Variants in SACM1L observed in about 807,000 individuals in gnomAD.
The protein encoded by SACM1L is SAC1 like phosphatidylinositide phosphatase.
A neutral mutation model predicts 89.5 loss-of-function variants in SACM1L; 32 were observed. The observed-to-expected ratio is 0.36, with a 90% CI of 0.27 to 0.48. The LOEUF (loss-of-function observed/expected upper bound fraction) is 0.48, where lower values mean the gene tolerates loss of function less well. Ranked by LOEUF, SACM1L falls within the 20% of genes least tolerant of loss-of-function variation. The probability of loss-of-function intolerance (pLI) is 0.99; values close to 1 mark genes in which losing one functional copy is unlikely to be tolerated. For synonymous variants in SACM1L, 213 were observed against 232.8 expected (o/e 0.92, Z 0.77); for missense variants, 543 against 708.5 (o/e 0.77, Z 2.65).
intron 11 of SACM1L, among the ~76,000 whole-genome samples, chr3:45,727,849 C>G (rs906046307): frequency 6.6e-6 from 1 of 152,174 alleles, no homozygotes; most frequent in Non-Finnish European, 1.5e-5. Context: ...CCCGCCTCGG[C>G]CTTCCAAAGT....
At chr3:45,710,242 C>G (rs1276711071) in intron 5 of SACM1L, among the ~76,000 whole-genome samples, 2 of 151,264 alleles carry the variant, frequency 1.3e-5, no homozygotes, top group African/African-American at 4.9e-5. Context: ...ACTCTGTCAC[C>G]TAGGCTGTAG....
chr3:45,743,513 T>G lies in SACM1L; in HGVS notation c.1628-20T>G. 6.3e-7 allele frequency: 1 copy of G among 1,593,800 alleles called. No individual in the cohort carries two copies. Reference sequence around the variant, plus strand: ...ATCAACAAACGACTTATTTAGCTTTTTGTTTCTTAATATCAACAGGTGACA... The same window carrying G: ...ATCAACAAACGACTTATTTAGCTTTGTGTTTCTTAATATCAACAGGTGACA... On this transcript the variant is annotated intron_variant, in intron 19 of 19. Coordinates refer to ENST00000389061, the MANE Select transcript of SACM1L (RefSeq NM_014016.5).
chr3:45,727,814 C>G (rs911071683), intron 11 of SACM1L, among the ~76,000 whole-genome samples: 5 of 152,150 alleles, frequency 3.3e-5, no homozygotes, highest in African/African-American at 1.2e-4. Context: ...CCAGGGTGGT[C>G]TCAATCTCCT....
chr3:45,692,908 C>T (rs1698030275), intron 1 of SACM1L, among the ~76,000 whole-genome samples: 1 of 152,174 alleles, frequency 6.6e-6, no homozygotes, highest in Non-Finnish European at 1.5e-5. Context: ...TCATTATGTA[C>T]ACCGTTATGT....
Position 45,731,306 on chromosome 3 carries a change from C to A in SACM1L, c.927C>A (p.Asn309Lys). ...GTGTTTGAAATTTTTTACAGATTAA[C>A]CAGAAGGGCTCGGAGAAGCCACTTG... Reference protein sequence around the residue: ...YGKQVIINLINQKGSEKPLEQ... With the variant: ...YGKQVIINLIKQKGSEKPLEQ... Residue 309 changes from asparagine (N) to lysine (K), a missense_variant, in exon 12 of 20, where the codon AAC (asparagine) becomes AAA (lysine). Coordinates refer to ENST00000389061, the MANE Select transcript of SACM1L (RefSeq NM_014016.5). 1 of 1,610,626 alleles carries A rather than the reference C, an allele frequency of 6.2e-7. No homozygotes were observed. The highest frequency in any genetic ancestry group is 8.5e-7 in the Non-Finnish European group (1 of 1,177,846).
At chr3:45,718,294 TAAAA>T (rs5848764) in intron 7 of SACM1L, among the ~76,000 whole-genome samples, 4 of 148,402 alleles carry the variant, frequency 2.7e-5, no homozygotes, top group African/African-American at 7.4e-5. Flanking sequence ...CCTGTTATGT[TAAAA>T]AAAAAAAAAA....
At chr3:45,731,179 G>GT (rs1699045526) in intron 11 of SACM1L, 122 bp from the exon 12 acceptor site, 8 of 552,836 alleles carry the variant, frequency 1.4e-5, no homozygotes, top group Admixed American at 1.1e-4. Flanking sequence ...CAGCTTCTGG[G>GT]TTTTTTTGAT....
intron 7 of SACM1L, among the ~76,000 whole-genome samples, chr3:45,714,940 T>C (rs531323952): frequency 6.6e-6 from 1 of 152,308 alleles, no homozygotes; most frequent in Non-Finnish European, 1.5e-5. Flanking sequence ...TCCTATAAGA[T>C]TATAATACCA....
At chr3:45,726,400 T>C (rs1698917869) in intron 11 of SACM1L, among the ~76,000 whole-genome samples, 1 of 152,076 alleles carries the variant, frequency 6.6e-6, no homozygotes, top group African/African-American at 2.4e-5. Flanking sequence ...CTCCTTACTA[T>C]GTATTGGTCT....
At chr3:45,697,465 C>T (rs1000018687) in intron 1 of SACM1L, among the ~76,000 whole-genome samples, 6 of 149,714 alleles carry the variant, frequency 4.0e-5, no homozygotes, top group African/African-American at 1.5e-4. Context: ...TTTGTAGAAA[C>T]GGGGTTTTGC....
chr3:45,742,197 CAAG>C (rs1699331193), intron 19 of SACM1L, among the ~76,000 whole-genome samples: 1 of 152,066 alleles, frequency 6.6e-6, no homozygotes, highest in Non-Finnish European at 1.5e-5. Context: ...TTCTTTTGTC[CAAG>C]AAGAATTTTA....
chr3:45,716,896 C>T (rs1698675106), intron 7 of SACM1L, among the ~76,000 whole-genome samples: 1 of 152,192 alleles, frequency 6.6e-6, no homozygotes, highest in Non-Finnish European at 1.5e-5. Context: ...TTTCTGGATT[C>T]TCTAAAGTGT....
At chr3:45,705,462 T>C (rs1050635492) in intron 3 of SACM1L, among the ~76,000 whole-genome samples, 1 of 151,704 alleles carries the variant, frequency 6.6e-6, no homozygotes, top group Non-Finnish European at 1.5e-5. Context: ...AATCCTTAGC[T>C]AGATAATTTT....
chr3:45,705,767 G>A (rs1698378063), intron 3 of SACM1L, among the ~76,000 whole-genome samples: 1 of 152,066 alleles, frequency 6.6e-6, no homozygotes, highest in South Asian at 2.1e-4. Context: ...GCCTCCCAAA[G>A]TGCTGGGATT....
chr3:45,705,676 A>G (rs1372836893), intron 3 of SACM1L, among the ~76,000 whole-genome samples: 2 of 151,708 alleles, frequency 1.3e-5, no homozygotes, highest in African/African-American at 2.4e-5. Flanking sequence ...CTAATTTGTT[A>G]TATTTTTAGT....
chr3:45,703,490 G>T lies in SACM1L; in HGVS notation c.85G>T (p.Asp29Tyr). Residue 29 changes from aspartate to tyrosine, a missense_variant, in exon 2 of 20, where the codon GAC (aspartate) becomes TAC (tyrosine). Asp to Tyr is a radical substitution (Grantham distance 160, BLOSUM62 -3). Around this residue, in one of 2 missense-constraint regions of SACM1L, gnomAD observed 173 missense variants for 180.9 expected, o/e 0.96. Transcript: ENST00000389061. The stretch of plus-strand genomic sequence containing the variant: ...GGAAGCTTGTGATGATGGAGCAGAT[G>T]ACGTACTTACCATTGACCGTGTGTC... Reference protein sequence around the residue: ...YVEACDDGADDVLTIDRVSTE... With the variant: ...YVEACDDGADYVLTIDRVSTE... 1.2e-6 allele frequency: 2 copies of T among 1,613,300 alleles called. No homozygotes were observed. Among genetic ancestry groups the T allele is most frequent in the South Asian group, 2.2e-5 (2 of 91,030 alleles).
intron 13 of SACM1L, among the ~76,000 whole-genome samples, chr3:45,734,412 C>CA (rs571706177): frequency 0.072 from 9,272 of 129,332 alleles, 354 homozygotes; most frequent in Non-Finnish European, 0.1. Flanking sequence ...GATTCCATCT[C>CA]AAAAAAAAAA....
intron 3 of SACM1L, among the ~76,000 whole-genome samples, chr3:45,706,441 A>G (rs1698395935): frequency 6.6e-6 from 1 of 152,246 alleles, no homozygotes; most frequent in Admixed American, 6.5e-5. Context: ...CTGGGAAATG[A>G]TTAGCAGAGG....
intron 1 of SACM1L, among the ~76,000 whole-genome samples, chr3:45,692,912 G>A (rs9877499): frequency 0.49 from 73,745 of 152,020 alleles, 18,396 homozygotes; most frequent in Middle Eastern, 0.57. Context: ...TATGTACACC[G>A]TTATGTGACT....
Sources: gnomAD v4.1 joint callset for allele counts (sites outside exome capture counted in the v4.1 genomes callset) on GRCh38, gnomAD v4.1.1 for gene constraint, gnomAD v4.1.1 regional missense constraint, MANE v1.5 for transcripts, NCBI Gene and HGNC (gene_info 2026-07-23, HGNC 2026-07-21) for gene names.